The following PRMT8 variants were observed in gnomAD, a reference collection of about 807,000 sequenced individuals.
PRMT8 encodes protein arginine methyltransferase 8, also known as protein arginine N-methyltransferase 8.
In PRMT8, 7 loss-of-function variants were observed where a neutral mutation model predicts 47.1. The observed-to-expected ratio is 0.15, with a 90% confidence interval of 0.08 to 0.28. The LOEUF (loss-of-function observed/expected upper bound fraction) is 0.28, where lower values mean the gene tolerates loss of function less well. Among genes scored for constraint, PRMT8 ranks in the 10% least tolerant of loss-of-function variants. The pLI, the probability that PRMT8 is intolerant of heterozygous loss-of-function variation, is 1.00. For synonymous variants in PRMT8, 188 were observed against 186.5 expected, an observed-to-expected ratio of 1.01 and a Z score of -0.07; for missense variants, 237 against 505.4, an observed-to-expected ratio of 0.47 and a Z score of 5.09.
chr12:3,573,141 G>C (rs893120032), intron 6 of PRMT8, among the ~76,000 whole-genome samples: 1 of 151,922 alleles, frequency 6.6e-6, no homozygotes, highest in Non-Finnish European at 1.5e-5. Context: ...GTTTGATATT[G>C]TCCTATGGAG....
In PRMT8 at chr12:3,585,445, ACCT is replaced by A. The variant is rs527862116; in HGVS notation, c.979+2241_979+2243del. ...ACAATCATAGCTCACTGCAGCCTTGACCTCCTGGGCTCAAGCGATCCTCCTGCC... is the reference window on the plus strand; with the variant it reads ...ACAATCATAGCTCACTGCAGCCTTGACCTGGGCTCAAGCGATCCTCCTGCC... On this transcript the variant is annotated intron_variant, in intron 8 of 9. Transcript: ENST00000382622. Among the ~76,000 whole-genome samples, 414 of 127,976 alleles carry A rather than the reference ACCT, an allele frequency of 3.2e-3. 2 individuals carry two copies. The highest frequency in any genetic ancestry group is 0.011 in the African/African-American group (379 of 33,950). 84.0% of individuals were successfully genotyped at this position (127,976 alleles called of 152,430 possible). A position where few individuals can be genotyped will look rare whatever the true frequency, so the allele number is the denominator to read the frequency against.
intron 1 of PRMT8, among the ~76,000 whole-genome samples, chr12:3,477,610 C>T (rs1022913952): frequency 1.4e-4 from 21 of 152,210 alleles, no homozygotes; most frequent in African/African-American, 4.1e-4. Context: ...ATTCACAGAA[C>T]ACAATTTTAT....
At chr12:3,405,646 A>C (rs1864365832) in intron 1 of PRMT8, among the ~76,000 whole-genome samples, 1 of 152,260 alleles carries the variant, frequency 6.6e-6, no homozygotes. Context: ...AAGGGGCCTC[A>C]TAGAAGTCCA....
At chr12:3,406,353 T>C (rs1245334202) in intron 1 of PRMT8, among the ~76,000 whole-genome samples, 1 of 152,270 alleles carries the variant, frequency 6.6e-6, no homozygotes, top group African/African-American at 2.4e-5. Flanking sequence ...GGAGACATTT[T>C]CCTCATTGTC....
At chr12:3,422,585 G>A (rs1234098511) in intron 1 of PRMT8, among the ~76,000 whole-genome samples, 1 of 152,166 alleles carries the variant, frequency 6.6e-6, no homozygotes, top group African/African-American at 2.4e-5. Context: ...TATGACTGGG[G>A]GCTGCATGCA....
At position 3,580,337 on chromosome 12, in the gene PRMT8, CGTGTGTGTGTGT is replaced by C. The variant is rs57739335; in HGVS notation, c.829-2702_829-2691del. On this transcript the variant is annotated intron_variant, in intron 7 of 9. Transcript: ENST00000382622. The surrounding 1 kb of genome is among the most constrained non-coding windows in gnomAD (Gnocchi z 4.6). ...TCCTGCCAGATGGGGGGTGCGTGTG[CGTGTGTGTGTGT>C]GTGTGTGTGTGTGTGTGTACGCGTG... is the stretch of plus-strand genomic sequence containing the variant. Among the ~76,000 whole-genome samples, 1 of 145,538 alleles carries C rather than the reference CGTGTGTGTGTGT, an allele frequency of 6.9e-6. No individual in the cohort carries two copies. Among genetic ancestry groups the C allele is most frequent in the Non-Finnish European group, 1.5e-5 (1 of 65,892 alleles).
At chr12:3,410,934 T>C (rs1176142657) in intron 1 of PRMT8, among the ~76,000 whole-genome samples, 1 of 152,238 alleles carries the variant, frequency 6.6e-6, no homozygotes, top group Non-Finnish European at 1.5e-5. Flanking sequence ...CTGAAAAATA[T>C]AGTAGTAATT....
chr12:3,382,889 T>G (rs1432722782), intron 1 of PRMT8, among the ~76,000 whole-genome samples: 1 of 152,240 alleles, frequency 6.6e-6, no homozygotes, highest in Non-Finnish European at 1.5e-5. Flanking sequence ...TTATATACCA[T>G]GTAGGACTTA....
chr12:3,404,031 T>A (rs1236111010), intron 1 of PRMT8, among the ~76,000 whole-genome samples: 1 of 151,980 alleles, frequency 6.6e-6, no homozygotes, highest in Non-Finnish European at 1.5e-5. Context: ...CAAACAAACA[T>A]CCATACGTCC....
rs1339679433 is a variant in PRMT8, at chr12:3,557,294, G to A, written c.481+3580G>A. Reference sequence around the variant, plus strand: ...GGTTGCCGGGATCAGGGCTTTGCTGGGAGCATGCAGCAGAGGGAGGGGGAG... The same window carrying A: ...GGTTGCCGGGATCAGGGCTTTGCTGAGAGCATGCAGCAGAGGGAGGGGGAG... On this transcript the variant is annotated intron_variant, in intron 4 of 9. Coordinates refer to ENST00000382622, the MANE Select transcript of PRMT8 (RefSeq NM_019854.5). This position sits in a 1 kb window ranked among gnomAD's most constrained non-coding sequence, Gnocchi z 4.7. Among the ~76,000 whole-genome samples the A allele has an allele frequency of 2.0e-5, 3 of 152,180 alleles. No homozygotes were observed. Among genetic ancestry groups the A allele is most frequent in the Non-Finnish European group, 4.4e-5 (3 of 68,022 alleles).
rs1467254714 is a variant in PRMT8 at position 3,570,985 on chromosome 12, C to T, written c.712+1421C>T. ...AAATCTTGGCTTTGCCATGTCCTAA[C>T]TGGGTAACCTTGAGCAAATTATCTA... On this transcript the variant is annotated intron_variant, in intron 6 of 9. Transcript: ENST00000382622. This position sits in a 1 kb window ranked among gnomAD's most constrained non-coding sequence, Gnocchi z 5.5. 6.6e-6 allele frequency among the ~76,000 whole-genome samples: 1 copy of T among 152,244 alleles called. No individual in the cohort carries two copies. Among genetic ancestry groups the T allele is most frequent in the Non-Finnish European group, 1.5e-5 (1 of 68,046 alleles).
At chr12:3,460,596 A>T (rs555004539) in intron 1 of PRMT8, among the ~76,000 whole-genome samples, 63 of 152,344 alleles carry the variant, frequency 4.1e-4, no homozygotes, top group South Asian at 1.0e-3. Context: ...ATAGAGATAC[A>T]TTTATTGAGC....
rs1404010022 is a variant in PRMT8 at position 3,493,622 on chromosome 12, G to A, written c.75+1922G>A. ...GCGGCTGCTGCGCTCTCCCAGCCTC[G>A]GCGAGGGTTAAAGGCGTCCGGAGCA... On this transcript the variant is annotated intron_variant, in intron 1 of 9. Transcript: ENST00000382622. The surrounding 1 kb of genome is among the most constrained non-coding windows in gnomAD (Gnocchi z 8.2). Among the ~76,000 whole-genome samples the A allele has an allele frequency of 6.6e-6, 1 of 152,108 alleles. No individual in the cohort carries two copies. Among genetic ancestry groups the A allele is most frequent in the African/African-American group, 2.4e-5 (1 of 41,398 alleles).
chr12:3,395,330 CT>C (rs1472005702), intron 1 of PRMT8, among the ~76,000 whole-genome samples: 3 of 150,104 alleles, frequency 2.0e-5, no homozygotes, highest in Non-Finnish European at 4.5e-5. Context: ...ATCTTTCCTG[CT>C]TTCTCTTGTG....
intron 4 of PRMT8, among the ~76,000 whole-genome samples, chr12:3,554,736 C>A (rs1290752257): frequency 6.6e-6 from 1 of 152,186 alleles, no homozygotes; most frequent in African/African-American, 2.4e-5. Context: ...CTGAGGGAGC[C>A]TGGGCAGGGA....
intron 1 of PRMT8, among the ~76,000 whole-genome samples, chr12:3,398,120 G>T (rs1173320058): frequency 6.6e-6 from 1 of 152,230 alleles, no homozygotes; most frequent in Non-Finnish European, 1.5e-5. Context: ...ACTCCCTAGT[G>T]AGATGAACCC....
At chr12:3,577,457 T>C (rs1431392842) in intron 7 of PRMT8, among the ~76,000 whole-genome samples, 2 of 152,154 alleles carry the variant, frequency 1.3e-5, no homozygotes, top group Non-Finnish European at 2.9e-5. Context: ...TGCCCCTTCC[T>C]GAGCGTCCCT....
In PRMT8 at chr12:3,404,532, A is replaced by G. The variant is rs537663564; in HGVS notation, c.48+23090A>G. Among the ~76,000 whole-genome samples, 5 of 152,304 alleles carry G rather than the reference A, an allele frequency of 3.3e-5. No individual in the cohort carries two copies. In the East Asian group the frequency reaches 7.7e-4, roughly 23 times the overall value. On this transcript the variant is annotated intron_variant, in intron 1 of 9. Coordinates refer to the PRMT8 transcript ENST00000452611. ...ACCCCAGAAACTCTCCATTATGCCCATTTCCAAAAACTATCCTTTTCCCGT... is the reference window on the plus strand; with the variant it reads ...ACCCCAGAAACTCTCCATTATGCCCGTTTCCAAAAACTATCCTTTTCCCGT...
intron 1 of PRMT8, among the ~76,000 whole-genome samples, chr12:3,387,951 A>G (rs560102744): frequency 3.9e-5 from 6 of 152,180 alleles, no homozygotes; most frequent in Non-Finnish European, 5.9e-5. Flanking sequence ...GAAAGTTAAC[A>G]TTAAAATAAT....
Sources: allele counts gnomAD v4.1 joint callset (sites outside exome capture counted in the v4.1 genomes callset), GRCh38; gene constraint gnomAD v4.1.1; non-coding constraint Gnocchi (gnomAD v3.1); transcripts MANE v1.5; gene names NCBI Gene and HGNC (gene_info 2026-07-23, HGNC 2026-07-21).